Variants in PTK2 observed in about 807,000 individuals in gnomAD.
PTK2 encodes protein tyrosine kinase 2.
In PTK2, 45 loss-of-function variants were observed where a neutral mutation model predicts 150.1. That is an observed-to-expected ratio of 0.30 (90% CI 0.24 to 0.38). PTK2 has a LOEUF of 0.38. PTK2 is among the 10% of genes least tolerant of loss of function. The pLI is 1.00. For synonymous variants in PTK2, 432 were observed against 449.2 expected (o/e 0.96, Z 0.48); for missense variants, 919 against 1,307.3 (o/e 0.70, Z 4.58).
intron 2 of PTK2, among the ~76,000 whole-genome samples, chr8:140,925,318 T>G (rs1218176884): frequency 6.6e-6 from 1 of 152,234 alleles, no homozygotes; most frequent in Non-Finnish European, 1.5e-5. Context: ...CAGATTTAAA[T>G]AACTTCGACA....
At chr8:140,862,897 G>A (rs905433291) in intron 5 of PTK2, among the ~76,000 whole-genome samples, 1 of 152,070 alleles carries the variant, frequency 6.6e-6, no homozygotes, top group African/African-American at 2.4e-5. Flanking sequence ...AAAACCAGTC[G>A]CTGGTGCCAA....
At chr8:140,772,097 T>A (rs2100075835) in intron 14 of PTK2, among the ~76,000 whole-genome samples, 1 of 152,108 alleles carries the variant, frequency 6.6e-6, no homozygotes, top group Non-Finnish European at 1.5e-5. Flanking sequence ...CCGATCCCAG[T>A]AACATTTACT....
chr8:140,686,663 A>C (rs1428876959), exon 27 of PTK2: 1 of 1,614,024 alleles, frequency 6.2e-7, no homozygotes, highest in South Asian at 1.1e-5. Flanking sequence ...CTCCCTGTCA[A>C]TACTGCCTCG....
chr8:140,684,639 A>G (rs1006328648), intron 27 of PTK2, among the ~76,000 whole-genome samples: 4 of 152,260 alleles, frequency 2.6e-5, no homozygotes, highest in African/African-American at 9.6e-5. Flanking sequence ...ATACCCAGGA[A>G]TATAGCTAAC....
chr8:140,744,652 C>A lies in PTK2; in HGVS notation c.1634G>T (p.Arg545Met). ...TAACAGCTTTATGACTGTATCTTACCTGTGTACAAATCTTTTGCTCTCTAG... is the reference window on the plus strand; with the variant it reads ...TAACAGCTTTATGACTGTATCTTACATGTGTACAAATCTTTTGCTCTCTAG... The change falls in exon 19 of 32, where the codon AGG becomes ATG. Residue 545 changes from arginine to methionine, a missense_variant and splice_region_variant. This residue lies in a region of PTK2 where 555 missense variants were observed against 880.1 expected (regional missense o/e 0.63). Coordinates refer to ENST00000522684, the Ensembl canonical transcript of PTK2. The A allele has an allele frequency of 6.5e-7, 1 of 1,547,788 alleles. No homozygotes were observed.
chr8:140,962,470 C>G (rs2154609423), intron 1 of PTK2, among the ~76,000 whole-genome samples: 1 of 152,280 alleles, frequency 6.6e-6, no homozygotes, highest in Non-Finnish European at 1.5e-5. Context: ...AACACACATA[C>G]TCTGTGAGGG....
intron 11 of PTK2, among the ~76,000 whole-genome samples, chr8:140,801,119 G>C (rs1480759659): frequency 1.3e-5 from 2 of 152,196 alleles, no homozygotes; most frequent in East Asian, 3.9e-4. Context: ...ATCAACAAGA[G>C]TTCCTAGAGC....
intron 26 of PTK2, among the ~76,000 whole-genome samples, chr8:140,697,136 GGAAAA>G (rs1294441017): frequency 6.9e-4 from 30 of 43,324 alleles, no homozygotes; most frequent in Admixed American, 2.3e-3. Flanking sequence ...CCTGTTTCCG[GGAAAA>G]AAAAAAAAAA....
intron 22 of PTK2, among the ~76,000 whole-genome samples, chr8:140,720,526 A>T (rs1251208839): frequency 6.6e-6 from 1 of 152,166 alleles, no homozygotes; most frequent in Non-Finnish European, 1.5e-5. Flanking sequence ...ATGACCATGG[A>T]CAACTCTGTC....
intron 14 of PTK2, among the ~76,000 whole-genome samples, chr8:140,778,282 G>A (rs990691693): frequency 6.6e-6 from 1 of 152,148 alleles, no homozygotes; most frequent in African/African-American, 2.4e-5. Context: ...AGCTAACATG[G>A]AGAAATACTG....
At chr8:140,802,408 A>G (rs553232511) in intron 11 of PTK2, among the ~76,000 whole-genome samples, 5 of 152,326 alleles carry the variant, frequency 3.3e-5, no homozygotes, top group African/African-American at 1.2e-4. Context: ...GCTGTACAAT[A>G]TATTTAAAAT....
At chr8:140,761,351 TA>T in intron 15 of PTK2, 89 bp from the exon 19 acceptor site, 1 of 1,042,622 alleles carries the variant, frequency 9.6e-7, no homozygotes, top group South Asian at 1.3e-5. Context: ...CATCCATAAG[TA>T]AAATTTCATC....
intron 2 of PTK2, among the ~76,000 whole-genome samples, chr8:140,913,071 T>C (rs76099568): frequency 9.3e-4 from 141 of 152,304 alleles, no homozygotes; most frequent in African/African-American, 3.2e-3. Flanking sequence ...CCTCTCACCA[T>C]TTCTCAACAC....
chr8:140,931,928 CAAAAAAAAAAAAA>C (rs765792463), intron 1 of PTK2, among the ~76,000 whole-genome samples: 3 of 54,628 alleles, frequency 5.5e-5, no homozygotes, highest in African/African-American at 1.4e-4. Context: ...GACCCAGTCT[CAAAAAAAAAAAAA>C]AAAAAAAAAA....
intron 12 of PTK2, among the ~76,000 whole-genome samples, chr8:140,798,615 A>G (rs1224852341): frequency 6.6e-6 from 1 of 152,234 alleles, no homozygotes; most frequent in Non-Finnish European, 1.5e-5. Flanking sequence ...CGTTTTAAAC[A>G]TGGAAGGCTC....
At chr8:140,774,414 G>A (rs573097795) in intron 14 of PTK2, among the ~76,000 whole-genome samples, 1 of 152,288 alleles carries the variant, frequency 6.6e-6, no homozygotes, top group Admixed American at 6.5e-5. Flanking sequence ...ACCACCAACG[G>A]GTAAGACTCC....
intron 2 of PTK2, among the ~76,000 whole-genome samples, chr8:140,910,224 G>A (rs1238215121): frequency 6.6e-6 from 1 of 152,058 alleles, no homozygotes; most frequent in African/African-American, 2.4e-5. Flanking sequence ...AAAGAGTGGG[G>A]GAGGTAACAA....
chr8:140,809,224 A>T (rs1195378729), intron 10 of PTK2, among the ~76,000 whole-genome samples: 1 of 152,190 alleles, frequency 6.6e-6, no homozygotes, highest in Non-Finnish European at 1.5e-5. Flanking sequence ...ATACTACAAA[A>T]ACAGAATGAA....
intron 26 of PTK2, among the ~76,000 whole-genome samples, chr8:140,691,915 C>T (rs1013567372): frequency 6.6e-6 from 1 of 152,134 alleles, no homozygotes; most frequent in Non-Finnish European, 1.5e-5. Context: ...GGTAACACAG[C>T]TCTTAAACAG....
Sources: gnomAD v4.1 joint callset for allele counts (sites outside exome capture counted in the v4.1 genomes callset) on GRCh38, gnomAD v4.1.1 for gene constraint, gnomAD v4.1.1 regional missense constraint, MANE v1.5 for transcripts, NCBI Gene and HGNC (gene_info 2026-07-23, HGNC 2026-07-21) for gene names.